Variants in SLC5A12 observed in about 807,000 individuals in gnomAD.
SLC5A12 encodes the protein solute carrier family 5 member 12, also known as sodium-coupled monocarboxylate transporter 2.
Under a neutral mutation model 72.7 loss-of-function variants are expected in SLC5A12, and 46 were observed. The ratio of observed to expected loss-of-function variants is 0.63; its 90% CI spans 0.50 to 0.81. The LOEUF (loss-of-function observed/expected upper bound fraction) is 0.81. Ranked by LOEUF, SLC5A12 falls within the 30% of genes least tolerant of loss-of-function variation. SLC5A12 has a pLI of 0.00. For synonymous variants in SLC5A12, 275 were observed against 264.4 expected (o/e 1.04, Z -0.39); for missense variants, 683 against 740.7 (o/e 0.92, Z 0.90).
At chr11:26,685,607 CA>C (rs1364716117) in intron 10 of SLC5A12, among the ~76,000 whole-genome samples, 2 of 122,086 alleles carry the variant, frequency 1.6e-5, no homozygotes, top group Non-Finnish European at 3.8e-5. Flanking sequence ...GACTCTGTCT[CA>C]AAAAAACAAA....
upstream of SLC5A12, among the ~76,000 whole-genome samples, chr11:26,722,328 C>T (rs929185383): frequency 1.3e-5 from 2 of 152,144 alleles, no homozygotes; most frequent in Non-Finnish European, 2.9e-5. Context: ...TTGCTCGAGT[C>T]CTGGCTCAAC....
intron 6 of SLC5A12, among the ~76,000 whole-genome samples, chr11:26,699,076 A>G (rs948042168): frequency 6.6e-6 from 1 of 152,238 alleles, no homozygotes; most frequent in African/African-American, 2.4e-5. Context: ...CATCTTACCC[A>G]TACTATGTGG....
At chr11:26,683,704 C>A in intron 11 of SLC5A12, 53 bp downstream of exon 11, 1 of 1,450,530 alleles carries the variant, frequency 6.9e-7, no homozygotes, top group South Asian at 1.2e-5. Flanking sequence ...AGAGAGAAAA[C>A]GGCTGGGCCC....
At chr11:26,707,821 G>A (rs1221187583) in intron 4 of SLC5A12, among the ~76,000 whole-genome samples, 6 of 151,924 alleles carry the variant, frequency 3.9e-5, no homozygotes. Flanking sequence ...TAAAGTTATT[G>A]TTAGATCTTT....
chr11:26,671,749 A>G (rs1378894133), intron 14 of SLC5A12, among the ~76,000 whole-genome samples: 1 of 152,136 alleles, frequency 6.6e-6, no homozygotes, highest in African/African-American at 2.4e-5. Context: ...CCTTGAGAAC[A>G]GAAGCTGGCT....
At chr11:26,710,769 T>C (rs950365867) in intron 3 of SLC5A12, among the ~76,000 whole-genome samples, 1 of 152,110 alleles carries the variant, frequency 6.6e-6, no homozygotes, top group African/African-American at 2.4e-5. Context: ...TTAATATTTC[T>C]CAGTATAAGC....
At chr11:26,686,346 C>T in intron 10 of SLC5A12, 131 bp downstream of exon 10, 1 of 696,944 alleles carries the variant, frequency 1.4e-6, no homozygotes, top group East Asian at 2.6e-5. Flanking sequence ...ATGCATTTTA[C>T]ATTTATTTTT....
chr11:26,681,227 T>A lies in SLC5A12; in HGVS notation c.1309-6A>T, dbSNP rs766345638. ...AGAAGACCTCCTAGTGCACCCTGGA[T>A]GAAGAAGAAAAAGGTTAATGGGAAA... On this transcript the variant is annotated splice_region_variant and splice_polypyrimidine_tract_variant and intron_variant, in intron 11 of 14. Transcript: ENST00000396005. 103 of 1,565,878 alleles carry A rather than the reference T, an allele frequency of 6.6e-5. No homozygotes were observed. In the East Asian group the frequency reaches 2.2e-3, roughly 34 times the overall value.
At chr11:26,673,675 T>A in intron 13 of SLC5A12, 146 bp from the exon 14 acceptor site, 1 of 1,089,158 alleles carries the variant, frequency 9.2e-7, no homozygotes, top group Non-Finnish European at 1.2e-6. Flanking sequence ...AGAAATTGGT[T>A]AACTGCTGAA....
At chr11:26,675,943 C>G (rs1854254779) in intron 13 of SLC5A12, among the ~76,000 whole-genome samples, 1 of 144,994 alleles carries the variant, frequency 6.9e-6, no homozygotes, top group Non-Finnish European at 1.5e-5. Flanking sequence ...GTGTGTGTAT[C>G]TATCTGTGTG....
At chr11:26,710,126 T>C (rs1444351480) in intron 3 of SLC5A12, among the ~76,000 whole-genome samples, 1 of 152,156 alleles carries the variant, frequency 6.6e-6, no homozygotes, top group Non-Finnish European at 1.5e-5. Flanking sequence ...TGTTTGGTTT[T>C]CTTTCCTTGT....
intron 12 of SLC5A12, among the ~76,000 whole-genome samples, chr11:26,680,307 AT>A (rs1218655839): frequency 4.3e-4 from 7 of 16,310 alleles, no homozygotes; most frequent in African/African-American, 7.6e-4. Flanking sequence ...ATATATTCAT[AT>A]ATATATATGT....
upstream of SLC5A12, chr11:26,722,123 T>A (rs10742157): frequency 0.95 from 155,647 of 163,540 alleles, 74,376 homozygotes; most frequent in Non-Finnish European, 1. Context: ...GTTAAACATT[T>A]CTGGGAAACA....
At chr11:26,714,703 C>T (rs1855308600) in intron 1 of SLC5A12, among the ~76,000 whole-genome samples, 1 of 152,086 alleles carries the variant, frequency 6.6e-6, no homozygotes, top group Non-Finnish European at 1.5e-5. Flanking sequence ...GATTGACAAT[C>T]AATTTATCCT....
chr11:26,713,951 T>G (rs1249715183), intron 1 of SLC5A12, among the ~76,000 whole-genome samples: 1 of 152,104 alleles, frequency 6.6e-6, no homozygotes, highest in African/African-American at 2.4e-5. Flanking sequence ...ACAGTTACAT[T>G]GCCTTTTCTT....
chr11:26,717,336 A>C (rs968969747), intron 1 of SLC5A12, among the ~76,000 whole-genome samples: 1 of 152,196 alleles, frequency 6.6e-6, no homozygotes, highest in Non-Finnish European at 1.5e-5. Flanking sequence ...ACAGGTAGAC[A>C]TTGGCCTATA....
At chr11:26,714,595 T>C (rs1283529493) in intron 1 of SLC5A12, among the ~76,000 whole-genome samples, 1 of 152,160 alleles carries the variant, frequency 6.6e-6, no homozygotes, top group East Asian at 1.9e-4. Context: ...AATTTTAAAG[T>C]ATCAATTGGC....
upstream of SLC5A12, chr11:26,722,157 C>T (rs1322975350): frequency 6.3e-6 from 1 of 157,826 alleles, no homozygotes; most frequent in Non-Finnish European, 1.4e-5. Flanking sequence ...AATTTACCAC[C>T]TCAGCATTTT....
At chr11:26,674,843 C>A (rs1400575354) in intron 13 of SLC5A12, among the ~76,000 whole-genome samples, 1 of 152,158 alleles carries the variant, frequency 6.6e-6, no homozygotes, top group Non-Finnish European at 1.5e-5. Flanking sequence ...TCAGTGTATT[C>A]TACATACTGA....
Sources: gnomAD v4.1 joint callset for allele counts (sites outside exome capture counted in the v4.1 genomes callset) on GRCh38, gnomAD v4.1.1 for gene constraint, MANE v1.5 for transcripts, NCBI Gene and HGNC (gene_info 2026-07-23, HGNC 2026-07-21) for gene names.